The following CDKAL1 variants were observed in gnomAD, a reference collection of about 807,000 sequenced individuals.
The protein encoded by CDKAL1 is CDKAL1 threonylcarbamoyladenosine tRNA methylthiotransferase.
A neutral mutation model predicts 68.2 loss-of-function variants in CDKAL1; 32 were observed. The observed-to-expected ratio is 0.47, with a 90% confidence interval of 0.35 to 0.63. The LOEUF (loss-of-function observed/expected upper bound fraction) is 0.63. Ranked by LOEUF, CDKAL1 falls within the 30% of genes least tolerant of loss-of-function variation. The pLI is 0.00. For synonymous variants in CDKAL1, 234 were observed against 244.3 expected, an observed-to-expected ratio of 0.96 and a Z score of 0.39; for missense variants, 606 against 696.7, an observed-to-expected ratio of 0.87 and a Z score of 1.47.
At chr6:21,181,716 C>T (rs1205623434) in intron 13 of CDKAL1, among the ~76,000 whole-genome samples, 1 of 152,134 alleles carries the variant, frequency 6.6e-6, no homozygotes, top group Non-Finnish European at 1.5e-5. Flanking sequence ...ATTAACAGGT[C>T]TGTATTTTAT....
chr6:20,978,110 C>G (rs1348116060), intron 10 of CDKAL1, among the ~76,000 whole-genome samples: 1 of 152,156 alleles, frequency 6.6e-6, no homozygotes, highest in Non-Finnish European at 1.5e-5. Context: ...AAAAACTTTG[C>G]TGGCAACTTC....
intron 7 of CDKAL1, among the ~76,000 whole-genome samples, chr6:20,762,797 T>C (rs991699973): frequency 2.6e-5 from 4 of 152,206 alleles, no homozygotes; most frequent in Non-Finnish European, 5.9e-5. Flanking sequence ...TCAGTGACTC[T>C]CCTTTCAATC....
At chr6:21,099,860 C>A (rs1285329827) in intron 12 of CDKAL1, among the ~76,000 whole-genome samples, 2 of 152,242 alleles carry the variant, frequency 1.3e-5, no homozygotes, top group Non-Finnish European at 2.9e-5. Context: ...TTTGGCAACA[C>A]TTATTACTGC....
chr6:20,684,309 G>A (rs1400524759), intron 5 of CDKAL1, among the ~76,000 whole-genome samples: 1 of 152,216 alleles, frequency 6.6e-6, no homozygotes, highest in Non-Finnish European at 1.5e-5. Context: ...GGGCGTGGTG[G>A]CATGTGCCTG....
At chr6:20,838,671 T>C (rs1778054790) in intron 8 of CDKAL1, among the ~76,000 whole-genome samples, 1 of 152,054 alleles carries the variant, frequency 6.6e-6, no homozygotes, top group African/African-American at 2.4e-5. Flanking sequence ...ATAGAACACA[T>C]TGAAAATCCA....
chr6:20,951,149 A>G (rs1764508889), intron 9 of CDKAL1, among the ~76,000 whole-genome samples: 1 of 152,092 alleles, frequency 6.6e-6, no homozygotes. Context: ...CAGTTTTTGT[A>G]TGTTTGTGGT....
At chr6:20,590,814 C>T (rs925188156) in intron 4 of CDKAL1, among the ~76,000 whole-genome samples, 5 of 152,158 alleles carry the variant, frequency 3.3e-5, no homozygotes, top group African/African-American at 9.7e-5. Context: ...CTGCAATAAA[C>T]ATACATGTGC....
At chr6:21,081,974 T>C (rs182169103) in intron 12 of CDKAL1, among the ~76,000 whole-genome samples, 1 of 144,244 alleles carries the variant, frequency 6.9e-6, no homozygotes, top group African/African-American at 2.5e-5. Context: ...CTTATACATG[T>C]AGTTCCAAGT....
chr6:21,124,980 A>G (rs952202985), intron 13 of CDKAL1, among the ~76,000 whole-genome samples: 1 of 146,120 alleles, frequency 6.8e-6, no homozygotes, highest in South Asian at 2.4e-4. Context: ...AGTATGCTAC[A>G]CTCTCTGTGG....
At chr6:20,842,170 AT>A (rs1778198807) in intron 8 of CDKAL1, among the ~76,000 whole-genome samples, 1 of 152,198 alleles carries the variant, frequency 6.6e-6, no homozygotes. Context: ...GGTCAACATA[AT>A]TCTTGGTGAT....
intron 5 of CDKAL1, among the ~76,000 whole-genome samples, chr6:20,705,592 T>C (rs1390522940): frequency 6.6e-6 from 1 of 152,190 alleles, no homozygotes; most frequent in Non-Finnish European, 1.5e-5. Context: ...AAGACCCCCA[T>C]GTATAAACAA....
chr6:20,556,792 C>G (rs1206013785), intron 4 of CDKAL1, among the ~76,000 whole-genome samples: 2 of 152,092 alleles, frequency 1.3e-5, no homozygotes, highest in African/African-American at 4.8e-5. Context: ...AATCCCAGCA[C>G]TTTGGGAGGC....
At chr6:20,616,846 C>CACAG (rs1349520769) in intron 4 of CDKAL1, among the ~76,000 whole-genome samples, 1 of 146,696 alleles carries the variant, frequency 6.8e-6, no homozygotes, top group Non-Finnish European at 1.5e-5. Context: ...CTACCACACA[C>CACAG]ACACACACAC....
intron 7 of CDKAL1, among the ~76,000 whole-genome samples, chr6:20,769,354 G>T (rs1314438558): frequency 1.4e-5 from 2 of 145,666 alleles, no homozygotes; most frequent in East Asian, 4.1e-4. Flanking sequence ...CACCTCCCAG[G>T]TTCAAGCGAT....
intron 15 of CDKAL1, among the ~76,000 whole-genome samples, chr6:21,213,437 C>T (rs1248529954): frequency 6.6e-6 from 1 of 152,088 alleles, no homozygotes; most frequent in East Asian, 1.9e-4. Flanking sequence ...TGCCATGAGA[C>T]GAGGAATTGG....
chr6:20,694,637 A>G (rs1393972853), intron 5 of CDKAL1, among the ~76,000 whole-genome samples: 3 of 152,206 alleles, frequency 2.0e-5, no homozygotes, highest in South Asian at 4.1e-4. Flanking sequence ...GAGAGATAGG[A>G]TGACCACATA....
At chr6:21,072,553 T>TC (rs1554170365) in intron 12 of CDKAL1, among the ~76,000 whole-genome samples, 2 of 18,770 alleles carry the variant, frequency 1.1e-4, no homozygotes, top group Non-Finnish European at 1.5e-4. Context: ...AGACTCCGTC[T>TC]CAAAAAAAAA....
chr6:20,941,431 G>T (rs1763967637), intron 9 of CDKAL1, among the ~76,000 whole-genome samples: 2 of 152,144 alleles, frequency 1.3e-5, no homozygotes, highest in African/African-American at 4.8e-5. Flanking sequence ...CTGTGCTGCT[G>T]CTTATTGTAT....
intron 9 of CDKAL1, among the ~76,000 whole-genome samples, chr6:20,878,745 TA>T (rs999839724): frequency 1.5e-5 from 2 of 129,300 alleles, no homozygotes; most frequent in Non-Finnish European, 3.3e-5. Context: ...CATAAATAAA[TA>T]AATAGCTAAC....
Sources: gnomAD v4.1 joint callset for allele counts (sites outside exome capture counted in the v4.1 genomes callset) on GRCh38, gnomAD v4.1.1 for gene constraint, MANE v1.5 for transcripts, NCBI Gene and HGNC (gene_info 2026-07-23, HGNC 2026-07-21) for gene names.